The following BBX variants were observed in gnomAD, a reference collection of about 807,000 sequenced individuals.
BBX encodes HMG box transcription factor BBX.
In BBX, 30 loss-of-function variants were observed where a neutral mutation model predicts 100.2. The ratio of observed to expected loss-of-function variants is 0.30; its 90% CI spans 0.22 to 0.41. The LOEUF is 0.41. BBX is among the 10% of genes least tolerant of loss of function. The probability of loss-of-function intolerance (pLI) is 1.00; values close to 1 mark genes in which losing one functional copy is unlikely to be tolerated. For synonymous variants in BBX, 376 were observed against 388.1 expected (o/e 0.97, Z 0.37); for missense variants, 1,023 against 1,129.8 (o/e 0.91, Z 1.35).
intron 14 of BBX, among the ~76,000 whole-genome samples, chr3:107,790,093 A>G: frequency 6.6e-6 from 1 of 151,914 alleles, no homozygotes; most frequent in East Asian, 1.9e-4. Flanking sequence ...ATTTGTCTCT[A>G]TTTTCAGAGC....
At chr3:107,573,513 T>C (rs1184429384) in intron 2 of BBX, among the ~76,000 whole-genome samples, 2 of 151,994 alleles carry the variant, frequency 1.3e-5, no homozygotes, top group African/African-American at 4.8e-5. Flanking sequence ...GCTGATGAGA[T>C]CACGCCATTG....
At chr3:107,622,868 C>T (rs1028870167) in intron 2 of BBX, among the ~76,000 whole-genome samples, 1 of 152,198 alleles carries the variant, frequency 6.6e-6, no homozygotes, top group Non-Finnish European at 1.5e-5. Context: ...ATCCAGCCCT[C>T]TGTGACTTGT....
intron 2 of BBX, among the ~76,000 whole-genome samples, chr3:107,587,883 C>T: frequency 6.6e-6 from 1 of 152,180 alleles, no homozygotes; most frequent in East Asian, 1.9e-4. Context: ...ATTTACTCAT[C>T]ACTGAAGTAC....
At chr3:107,718,450 G>A (rs895650026) in intron 5 of BBX, among the ~76,000 whole-genome samples, 11 of 151,518 alleles carry the variant, frequency 7.3e-5, no homozygotes, top group Non-Finnish European at 1.5e-4. Context: ...TTTCCATAGC[G>A]TAACAGTAAT....
chr3:107,577,941 G>C (rs549374746), intron 2 of BBX, among the ~76,000 whole-genome samples: 1 of 152,254 alleles, frequency 6.6e-6, no homozygotes, highest in Admixed American at 6.5e-5. Context: ...ATAAGGCAAA[G>C]AAGTAGGGGG....
chr3:107,683,527 C>T (rs2059679666), intron 3 of BBX, among the ~76,000 whole-genome samples: 1 of 152,134 alleles, frequency 6.6e-6, no homozygotes, highest in African/African-American at 2.4e-5. Context: ...ATGGTATACA[C>T]ATTGCTTGTT....
At chr3:107,705,522 A>G (rs1413149700) in intron 3 of BBX, among the ~76,000 whole-genome samples, 1 of 152,250 alleles carries the variant, frequency 6.6e-6, no homozygotes, top group Non-Finnish European at 1.5e-5. Flanking sequence ...GACAAAGGAA[A>G]GGAAACTCTC....
intron 3 of BBX, among the ~76,000 whole-genome samples, chr3:107,698,804 C>T (rs991278783): frequency 6.6e-6 from 1 of 151,674 alleles, no homozygotes. Flanking sequence ...TTTCTCTCTT[C>T]AGATCTGCAA....
At chr3:107,619,373 T>C (rs2055561558) in intron 2 of BBX, among the ~76,000 whole-genome samples, 1 of 152,134 alleles carries the variant, frequency 6.6e-6, no homozygotes, top group African/African-American at 2.4e-5. Context: ...AACCCCTTTA[T>C]GTCTCTTTAC....
rs1429270150 is a variant in BBX at position 107,705,690 on chromosome 3, A to T, written c.-9-4762A>T. ...CTGTTAATCCCATGCTTCCCAGTCT[A>T]AAAAGCTTGTTGAGTAAAGGGTGGA... On this transcript the variant is annotated intron_variant, in intron 3 of 17. Coordinates refer to ENST00000325805, the MANE Select transcript of BBX (RefSeq NM_001142568.3). Among the ~76,000 whole-genome samples, 2 of 152,342 alleles carry T rather than the reference A, an allele frequency of 1.3e-5. 1 individual carries two copies. The highest frequency in any genetic ancestry group is 4.1e-4 in the South Asian group (2 of 4,830).
At chr3:107,604,612 G>GT (rs1032972549) in intron 2 of BBX, among the ~76,000 whole-genome samples, 1 of 152,090 alleles carries the variant, frequency 6.6e-6, no homozygotes, top group Non-Finnish European at 1.5e-5. Flanking sequence ...GATTACATTA[G>GT]TTTTTTTGGC....
intron 2 of BBX, among the ~76,000 whole-genome samples, chr3:107,632,785 AT>A (rs2056625368): frequency 6.6e-6 from 1 of 152,260 alleles, no homozygotes; most frequent in Non-Finnish European, 1.5e-5. Context: ...TCAGCTAAAA[AT>A]ATGCTGAAAA....
At chr3:107,584,554 CA>C (rs1240912804) in intron 2 of BBX, among the ~76,000 whole-genome samples, 3 of 149,488 alleles carry the variant, frequency 2.0e-5, no homozygotes, top group Non-Finnish European at 3.0e-5. Context: ...TTCAGATTGT[CA>C]TAAATGCTTA....
At chr3:107,708,628 C>T (rs770198971) in intron 3 of BBX, among the ~76,000 whole-genome samples, 58 of 148,146 alleles carry the variant, frequency 3.9e-4, no homozygotes, top group Non-Finnish European at 7.8e-4. Flanking sequence ...GAGCTGAGAT[C>T]GCACCACTGC....
chr3:107,753,402 C>G (rs776488933), intron 9 of BBX, among the ~76,000 whole-genome samples: 1 of 152,056 alleles, frequency 6.6e-6, no homozygotes, highest in South Asian at 2.1e-4. Context: ...AACCTCCCCC[C>G]ACACATGCCC....
chr3:107,732,914 C>A (rs764881073), intron 6 of BBX, 42 bp from the exon 7 acceptor site: 12 of 1,519,316 alleles, frequency 7.9e-6, no homozygotes, highest in Non-Finnish European at 1.1e-5. Flanking sequence ...ATTGTATGTA[C>A]TTTATGCTTA....
intron 1 of BBX, chr3:107,524,685 T>TA (rs1339413712): frequency 1.5e-5 from 2 of 133,176 alleles, no homozygotes; most frequent in African/African-American, 5.8e-5. Flanking sequence ...GGAAGGAAAA[T>TA]AAAGCGTGCA....
At chr3:107,800,972 A>T (rs898860286) in intron 16 of BBX, 123 bp from the exon 17 acceptor site, 1 of 917,646 alleles carries the variant, frequency 1.1e-6, no homozygotes, top group East Asian at 2.4e-5. Flanking sequence ...TATTCGATGG[A>T]TAGCAAAAGT....
intron 2 of BBX, among the ~76,000 whole-genome samples, chr3:107,587,104 A>C (rs2052910393): frequency 6.6e-6 from 1 of 152,202 alleles, no homozygotes; most frequent in Non-Finnish European, 1.5e-5. Context: ...TCATTTAAAA[A>C]TATATTCTAC....
Sources: allele counts gnomAD v4.1 joint callset (sites outside exome capture counted in the v4.1 genomes callset), GRCh38; gene constraint gnomAD v4.1.1; transcripts MANE v1.5; gene names NCBI Gene and HGNC (gene_info 2026-07-23, HGNC 2026-07-21).